BRSK2: variants seen among roughly 807,000 people sequenced by gnomAD.
The protein encoded by BRSK2 is BR serine/threonine kinase 2.
Under a neutral mutation model 83.3 loss-of-function variants are expected in BRSK2, and 19 were observed. The ratio of observed to expected loss-of-function variants is 0.23; its 90% CI spans 0.16 to 0.33. The LOEUF (loss-of-function observed/expected upper bound fraction) is 0.33, where lower values mean the gene tolerates loss of function less well. Ranked by LOEUF, BRSK2 falls within the 10% of genes least tolerant of loss-of-function variation. The pLI, the probability that BRSK2 is intolerant of heterozygous loss-of-function variation, is 1.00. For missense variants in BRSK2, 798 were observed against 1,042.3 expected (o/e 0.77, Z 3.23); for synonymous variants, 519 against 435.4 (o/e 1.19, Z -2.39).
intron 1 of BRSK2, among the ~76,000 whole-genome samples, chr11:1,391,300 G>A (rs903779608): frequency 2.0e-5 from 3 of 152,130 alleles, no homozygotes; most frequent in Non-Finnish European, 1.5e-5. Context: ...GAGGTCCCAC[G>A]GCACTGCCTC....
rs11026538 is a variant in BRSK2 at position 1,423,676 on chromosome 11, C to G, written c.92-12364C>G. Among the ~76,000 whole-genome samples, 1 of 139,814 alleles carries G rather than the reference C, an allele frequency of 7.2e-6. No individual in the cohort carries two copies. Among genetic ancestry groups the G allele is most frequent in the Non-Finnish European group, 1.5e-5 (1 of 66,212 alleles). 91.7% of individuals were successfully genotyped at this position (139,814 alleles called of 152,430 possible). On this transcript the variant is annotated intron_variant, in intron 1 of 19. Coordinates refer to ENST00000528841, the MANE Select transcript of BRSK2 (RefSeq NM_001256627.2). This position sits in a 1 kb window ranked among gnomAD's most constrained non-coding sequence, Gnocchi z 6.5. Reference sequence around the variant, plus strand: ...AGGAAGCCCTGCCCCAAGCCTCCCCCGCTGGGCGTTCCGGGTGCCCCAGGC... The same window carrying G: ...AGGAAGCCCTGCCCCAAGCCTCCCCGGCTGGGCGTTCCGGGTGCCCCAGGC...
chr11:1,397,006 C>T (rs1011679980), intron 1 of BRSK2, among the ~76,000 whole-genome samples: 4 of 152,242 alleles, frequency 2.6e-5, no homozygotes, highest in Admixed American at 6.5e-5. Flanking sequence ...CGCAGGAGGA[C>T]GGCAGACCAG....
chr11:1,461,328 A>C lies in BRSK2; in HGVS notation c.*605A>C. The C allele has an allele frequency of 2.6e-6, 1 of 380,400 alleles. No individual in the cohort carries two copies. Among genetic ancestry groups the C allele is most frequent in the Non-Finnish European group, 4.8e-6 (1 of 210,098 alleles). The allele number at this position is 380,400 out of a possible 1,614,324, so 23.6% of individuals were successfully genotyped here. On this transcript the variant is annotated 3_prime_UTR_variant, in exon 20 of 20. Transcript: ENST00000528841. ...ACGCCGCACCTGGAGGCCTCCTCGC[A>C]GGCCCGTGCCCCGCCTCCCTGGCTG...
intron 1 of BRSK2, among the ~76,000 whole-genome samples, chr11:1,409,138 G>C (rs1847149028): frequency 1.3e-5 from 2 of 152,188 alleles, no homozygotes; most frequent in Non-Finnish European, 2.9e-5. Context: ...CATGGGCCTG[G>C]CTTTCCTCAG....
intron 1 of BRSK2, among the ~76,000 whole-genome samples, chr11:1,434,070 A>T (rs1849948318): frequency 6.6e-6 from 1 of 152,270 alleles, no homozygotes; most frequent in Non-Finnish European, 1.5e-5. Context: ...TTCCCAAAAA[A>T]ATCAAAGGGC....
intron 1 of BRSK2, among the ~76,000 whole-genome samples, chr11:1,401,327 G>A (rs1445397776): frequency 6.6e-6 from 1 of 152,244 alleles, no homozygotes; most frequent in African/African-American, 2.4e-5. Flanking sequence ...TGTGAGTCGG[G>A]GCTCACGCCC....
At chr11:1,452,113 G>T (rs1211264426) in intron 15 of BRSK2, among the ~76,000 whole-genome samples, 1 of 152,208 alleles carries the variant, frequency 6.6e-6, no homozygotes, top group East Asian at 1.9e-4. Flanking sequence ...CGGCGGTCAG[G>T]CTGGAGTCAC....
At position 1,460,737 on chromosome 11, in the gene BRSK2, C is replaced by CG. The variant is rs1554922225; in HGVS notation, c.*14_*15insG. The CG allele has an allele frequency of 7.1e-7, 1 of 1,411,992 alleles. No individual in the cohort carries two copies. Among genetic ancestry groups the CG allele is most frequent in the African/African-American group, 1.5e-5 (1 of 67,278 alleles). 87.5% of individuals were successfully genotyped at this position (1,411,992 alleles called of 1,614,324 possible). A position where few individuals can be genotyped will look rare whatever the true frequency, so the allele number is the denominator to read the frequency against. On this transcript the variant is annotated 3_prime_UTR_variant, in exon 20 of 20. Transcript: ENST00000528841. ...GAGCAGCCTTAGACACACTAGCCCCCCCCCCCAGCACAGCACTGACAGCGG... is the reference window on the plus strand; with the variant it reads ...GAGCAGCCTTAGACACACTAGCCCCCGCCCCCCAGCACAGCACTGACAGCGG...
intron 1 of BRSK2, among the ~76,000 whole-genome samples, chr11:1,407,787 G>A (rs1267400613): frequency 6.6e-6 from 1 of 152,248 alleles, no homozygotes; most frequent in Non-Finnish European, 1.5e-5. Context: ...ATTGGGTCCC[G>A]CCGCCTCCAG....
In BRSK2 at chr11:1,462,145, G is replaced by C. The variant is rs996999561; in HGVS notation, c.*1422G>C. The C allele has an allele frequency of 6.6e-6, 1 of 152,098 alleles. No individual in the cohort carries two copies. The highest frequency in any genetic ancestry group is 1.5e-5 in the Non-Finnish European group (1 of 67,998). 9.4% of individuals were successfully genotyped at this position (152,098 alleles called of 1,614,324 possible). ...AGAGTCGGTGGCGCTCCTCTGCAGGGCGTTCTGTGCAGAGCGAGGCCCAGG... is the reference window on the plus strand; with the variant it reads ...AGAGTCGGTGGCGCTCCTCTGCAGGCCGTTCTGTGCAGAGCGAGGCCCAGG... On this transcript the variant is annotated 3_prime_UTR_variant, in exon 20 of 20. Transcript: ENST00000528841.
chr11:1,416,490 G>A (rs1052020185), intron 1 of BRSK2, among the ~76,000 whole-genome samples: 3 of 152,172 alleles, frequency 2.0e-5, no homozygotes, highest in Admixed American at 2.0e-4. Context: ...CCCTCGGACC[G>A]AAGGGCTTCC....
intron 19 of BRSK2, 82 bp downstream of exon 19, chr11:1,459,321 G>A (rs189737296): frequency 3.0e-5 from 46 of 1,525,132 alleles, no homozygotes; most frequent in South Asian, 1.6e-4. Context: ...GCCACCTGCC[G>A]CCCGGGTTGT....
chr11:1,456,967 C>A, intron 18 of BRSK2: 1 of 1,597,468 alleles, frequency 6.3e-7, no homozygotes, highest in Non-Finnish European at 8.5e-7. Context: ...CCCCCCCCAC[C>A]AGCGCCAGGA....
chr11:1,401,329 C>T (rs74542903), intron 1 of BRSK2, among the ~76,000 whole-genome samples: 11,808 of 152,360 alleles, frequency 0.078, 655 homozygotes, highest in Non-Finnish European at 0.13. Context: ...TGAGTCGGGG[C>T]TCACGCCCGG....
Position 1,461,374 on chromosome 11 carries a change from G to A in BRSK2, c.*651G>A, listed in dbSNP as rs899640846. 20 of 299,338 alleles carry A rather than the reference G, an allele frequency of 6.7e-5. No individual in the cohort carries two copies. Among genetic ancestry groups the A allele is most frequent in the Non-Finnish European group, 1.2e-4 (20 of 160,458 alleles). The allele number at this position is 299,338 out of a possible 1,614,324, so 18.5% of individuals were successfully genotyped here. ...GGCTGCGCCGCCTCCGTGTAGTCTT[G>A]GCCTCCTCAGGCTGCCTCCCGTCCT... is the stretch of plus-strand genomic sequence containing the variant. On this transcript the variant is annotated 3_prime_UTR_variant, in exon 20 of 20. Coordinates refer to ENST00000528841, the MANE Select transcript of BRSK2 (RefSeq NM_001256627.2).
chr11:1,449,699 TG>T, intron 12 of BRSK2, 76 bp from the exon 13 acceptor site: 9 of 1,331,690 alleles, frequency 6.8e-6, no homozygotes, highest in East Asian at 4.9e-5. Flanking sequence ...AGGGTTTACC[TG>T]GGGGGAGCAG....
intron 15 of BRSK2, among the ~76,000 whole-genome samples, chr11:1,452,151 T>C (rs1356969564): frequency 2.0e-5 from 3 of 152,130 alleles, no homozygotes; most frequent in African/African-American, 7.2e-5. Context: ...GAAATGAAGA[T>C]GTGGCCAGCT....
intron 19 of BRSK2, among the ~76,000 whole-genome samples, chr11:1,460,181 G>A (rs1847243326): frequency 6.6e-6 from 1 of 152,182 alleles, no homozygotes; most frequent in South Asian, 2.1e-4. Flanking sequence ...TTCGCCAAAG[G>A]AGCACTGGGT....
rs544357219 is a variant in BRSK2 at position 1,403,309 on chromosome 11, C to T, written c.91+12934C>T. On this transcript the variant is annotated intron_variant, in intron 1 of 19. Coordinates refer to ENST00000528841, the MANE Select transcript of BRSK2 (RefSeq NM_001256627.2). Reference sequence around the variant, plus strand: ...GGAGGCTGCTGTGCGTGGCAGAGCACGTGAGGCAGCCACCCCTCACCGCAG... The same window carrying T: ...GGAGGCTGCTGTGCGTGGCAGAGCATGTGAGGCAGCCACCCCTCACCGCAG... Among the ~76,000 whole-genome samples, 153 of 152,306 alleles carry T rather than the reference C, an allele frequency of 1.0e-3. 6 individuals are homozygous for T. In the South Asian group the frequency reaches 0.031, roughly 30 times the overall value.
Sources: gnomAD v4.1 joint callset for allele counts (sites outside exome capture counted in the v4.1 genomes callset) on GRCh38, gnomAD v4.1.1 for gene constraint, Gnocchi (gnomAD v3.1) non-coding constraint, MANE v1.5 for transcripts, NCBI Gene and HGNC (gene_info 2026-07-23, HGNC 2026-07-21) for gene names.